Variants in ADGRE3 observed in about 807,000 individuals in gnomAD.
ADGRE3 encodes adhesion G protein-coupled receptor E3.
Under a neutral mutation model 80.1 loss-of-function variants are expected in ADGRE3, and 88 were observed. The observed-to-expected ratio is 1.10, with a 90% confidence interval of 0.93 to 1.31. ADGRE3 has a LOEUF of 1.31. Among genes scored for constraint, ADGRE3 ranks in the 40% most tolerant of loss-of-function variants. ADGRE3 has a pLI of 0.00. For synonymous variants in ADGRE3, 281 were observed against 294.8 expected (o/e 0.95, Z 0.48); for missense variants, 715 against 776.5 (o/e 0.92, Z 0.94).
chr19:14,600,266 G>C, the ADGRE3 span: 8 of 1,498,926 alleles, frequency 5.3e-6, no homozygotes, highest in Non-Finnish European at 7.2e-6. Flanking sequence ...CCCTTCCCTG[G>C]ATGGCAAGAA....
intron 11 of ADGRE3, among the ~76,000 whole-genome samples, chr19:14,637,867 G>A (rs1410497565): frequency 6.6e-6 from 1 of 151,940 alleles, no homozygotes; most frequent in Non-Finnish European, 1.5e-5. Context: ...CTGCTGTCTT[G>A]GTGGATTGGT....
intron 8 of ADGRE3, 21 bp from the exon 9 acceptor site, chr19:14,644,296 G>C: frequency 6.9e-7 from 1 of 1,455,026 alleles, no homozygotes; most frequent in Non-Finnish European, 9.2e-7. Flanking sequence ...AAAATAGAAA[G>C]GGCTCATTGT....
chr19:14,650,935 CTT>C (rs79148054), intron 7 of ADGRE3, 148 bp downstream of exon 7: 1,971 of 710,536 alleles, frequency 2.8e-3, no homozygotes, highest in South Asian at 3.5e-3. Flanking sequence ...GGGAAAATGT[CTT>C]TTTTTTTTTT....
chr19:14,662,363 G>A (rs567504782), intron 3 of ADGRE3, among the ~76,000 whole-genome samples: 1 of 152,278 alleles, frequency 6.6e-6, no homozygotes, highest in East Asian at 1.9e-4. Context: ...AACACTGAGA[G>A]GGCAGTCGCG....
rs184798853 is a variant in ADGRE3 at position 14,625,892 on chromosome 19, T to C, written c.1813-293A>G. Among the ~76,000 whole-genome samples the C allele has an allele frequency of 7.1e-4, 108 of 152,158 alleles. 2 individuals carry two copies. The highest frequency in any genetic ancestry group is 5.7e-3 in the Admixed American group (87 of 15,264). On this transcript the variant is annotated intron_variant, in intron 14 of 15. Coordinates refer to ENST00000253673, the MANE Select transcript of ADGRE3 (RefSeq NM_032571.5). ...GAGGTACCTAAAGTAGTCAAATCCATATAGACCTAAAGTAGAAGAGCGGTT... is the reference window on the plus strand; with the variant it reads ...GAGGTACCTAAAGTAGTCAAATCCACATAGACCTAAAGTAGAAGAGCGGTT...
downstream of ADGRE3, among the ~76,000 whole-genome samples, chr19:14,614,221 T>A (rs943897327): frequency 2.0e-5 from 3 of 152,170 alleles, no homozygotes; most frequent in Non-Finnish European, 1.5e-5. Context: ...GGGACTGTTA[T>A]GTCAAGCAAC....
At chr19:14,640,593 C>T (rs937338844) in intron 10 of ADGRE3, among the ~76,000 whole-genome samples, 12 of 152,110 alleles carry the variant, frequency 7.9e-5, no homozygotes, top group African/African-American at 2.4e-4. Flanking sequence ...GCCCGGCCAC[C>T]GAGACAACTT....
intron 15 of ADGRE3, among the ~76,000 whole-genome samples, chr19:14,621,139 T>C (rs1369966006): frequency 2.0e-5 from 3 of 151,888 alleles, no homozygotes; most frequent in Non-Finnish European, 4.4e-5. Context: ...CTTGCCTCAG[T>C]CTCCTGAGTA....
the ADGRE3 span, chr19:14,609,944 C>T: frequency 5.6e-5 from 39 of 701,766 alleles, no homozygotes; most frequent in Non-Finnish European, 8.5e-5. Flanking sequence ...GCTCCACACA[C>T]GGCCTAATAT....
At chr19:14,669,814 G>A (rs924088354) in intron 1 of ADGRE3, among the ~76,000 whole-genome samples, 2 of 152,006 alleles carry the variant, frequency 1.3e-5, no homozygotes, top group Admixed American at 1.3e-4. Context: ...ATTTTTTTGG[G>A]TAGATACCCA....
At chr19:14,665,698 G>A (rs752120535) in intron 2 of ADGRE3, among the ~76,000 whole-genome samples, 2 of 151,318 alleles carry the variant, frequency 1.3e-5, no homozygotes, top group Non-Finnish European at 2.9e-5. Context: ...TTGCTATGTT[G>A]CCTAGGCTGT....
rs116934361 is a variant in ADGRE3 at position 14,653,310 on chromosome 19, G to A, written c.577+1672C>T. Among the ~76,000 whole-genome samples the A allele has an allele frequency of 4.2e-3, 630 of 151,692 alleles. 11 individuals carry two copies. In the East Asian group the frequency reaches 0.065, roughly 16 times the overall value. ...TAATTTCATCATCCATTATATTATC[G>A]CTTGTTACTCTTTGTCATTTTTATC... On this transcript the variant is annotated intron_variant, in intron 6 of 15. Coordinates refer to ENST00000253673, the MANE Select transcript of ADGRE3 (RefSeq NM_032571.5).
rs1568481155 is a variant in ADGRE3, at chr19:14,636,084, T to TTCTTTCTTTC, written c.1484+2011_1484+2020dup. Among the ~76,000 whole-genome samples the TTCTTTCTTTC allele has an allele frequency of 8.3e-4, 16 of 19,212 alleles. 1 individual carries two copies. The highest frequency in any genetic ancestry group is 1.2e-3 in the Non-Finnish European group (10 of 8,396). The allele number at this position is 19,212 out of a possible 152,430, so 12.6% of individuals were successfully genotyped here. ...TCCTTTCCTTTCCTTTCCTTTCCCT[T>TTCTTTCTTTC]TCTTTCTTTCTTTCTTTCTTTCTTT... On this transcript the variant is annotated intron_variant, in intron 11 of 15. Transcript: ENST00000253673.
chr19:14,606,476 T>C, the ADGRE3 span, among the ~76,000 whole-genome samples: 16 of 151,948 alleles, frequency 1.1e-4, no homozygotes, highest in African/African-American at 2.9e-4. Context: ...GTCAGAAGTT[T>C]GAGATCAGGC....
chr19:14,633,851 A>G (rs1453286757), intron 11 of ADGRE3, among the ~76,000 whole-genome samples: 1 of 137,646 alleles, frequency 7.3e-6, no homozygotes, highest in Non-Finnish European at 1.5e-5. Flanking sequence ...ATCTCAGCTC[A>G]CTGCAACCTC....
At position 14,674,802 on chromosome 19, in the gene ADGRE3, C is replaced by G. The variant is rs765545407; in HGVS notation, c.-32G>C. On this transcript the variant is annotated 5_prime_UTR_variant, in exon 1 of 16. Transcript: ENST00000253673. ...GGTACGGGTATCCCACGCCAGCCAGCCCTGGAAGCTCTCTACTGTGCCGTA... is the reference window on the plus strand; with the variant it reads ...GGTACGGGTATCCCACGCCAGCCAGGCCTGGAAGCTCTCTACTGTGCCGTA... The G allele has an allele frequency of 1.2e-6, 2 of 1,612,584 alleles. No homozygotes were observed. Among genetic ancestry groups the G allele is most frequent in the Non-Finnish European group, 1.7e-6 (2 of 1,179,208 alleles).
chr19:14,607,053 G>C, the ADGRE3 span: 1 of 1,356,332 alleles, frequency 7.4e-7, no homozygotes, highest in South Asian at 1.8e-5. Flanking sequence ...GAATGACAGG[G>C]CCCAGGAAGG....
intron 9 of ADGRE3, among the ~76,000 whole-genome samples, chr19:14,643,064 T>A (rs1439931279): frequency 6.6e-6 from 1 of 152,172 alleles, no homozygotes; most frequent in Non-Finnish European, 1.5e-5. Context: ...GTGTTCCTTT[T>A]TTTCTGCTAC....
At chr19:14,628,744 C>T (rs1599606956) in intron 14 of ADGRE3, 4 of 340,454 alleles carry the variant, frequency 1.2e-5, no homozygotes, top group African/African-American at 2.2e-5. Flanking sequence ...CTGCAGACAG[C>T]CAGTGTTACA....
Sources: allele counts gnomAD v4.1 joint callset (sites outside exome capture counted in the v4.1 genomes callset), GRCh38; gene constraint gnomAD v4.1.1; transcripts MANE v1.5; gene names NCBI Gene and HGNC (gene_info 2026-07-23, HGNC 2026-07-21).